Variants in HDAC9 observed in about 807,000 individuals in gnomAD.
The protein encoded by HDAC9 is histone deacetylase 9.
HDAC9 carries 41 observed loss-of-function variants against 139.4 expected under a neutral mutation model. That is an observed-to-expected ratio of 0.29 (90% confidence interval 0.23 to 0.38). The LOEUF is 0.38. Among genes scored for constraint, HDAC9 ranks in the 10% least tolerant of loss-of-function variants. HDAC9 has a pLI of 1.00. For missense variants in HDAC9, 1,147 were observed against 1,297.0 expected (o/e 0.88, Z 1.78); for synonymous variants, 517 against 476.2 (o/e 1.09, Z -1.12).
chr7:18,775,047 G>T (rs543256389), intron 16 of HDAC9, among the ~76,000 whole-genome samples: 1 of 152,042 alleles, frequency 6.6e-6, no homozygotes, highest in South Asian at 2.1e-4. Flanking sequence ...TAGGGAATAG[G>T]GAGGCCTGAG....
At chr7:18,844,654 G>A (rs960385895) in intron 21 of HDAC9, among the ~76,000 whole-genome samples, 2 of 152,112 alleles carry the variant, frequency 1.3e-5, no homozygotes, top group Non-Finnish European at 2.9e-5. Context: ...AAACAAAAGA[G>A]CATTTTTACT....
At chr7:18,456,623 A>G (rs1479633991) in intron 1 of HDAC9, among the ~76,000 whole-genome samples, 1 of 152,182 alleles carries the variant, frequency 6.6e-6, no homozygotes, top group Non-Finnish European at 1.5e-5. Flanking sequence ...GATATTAGAA[A>G]ATAAGATTAT....
At chr7:18,796,704 T>G (rs146688014) in intron 17 of HDAC9, among the ~76,000 whole-genome samples, 10 of 152,194 alleles carry the variant, frequency 6.6e-5, no homozygotes, top group Non-Finnish European at 1.5e-4. Flanking sequence ...AAATCATAAT[T>G]GGAAGAATAA....
At chr7:18,101,396 T>C (rs1486181881) in intron 1 of HDAC9, among the ~76,000 whole-genome samples, 3 of 152,198 alleles carry the variant, frequency 2.0e-5, no homozygotes. Flanking sequence ...ATTATTGCAT[T>C]GTGTCCAGTG....
chr7:18,241,188 T>C (rs1046117967), intron 2 of HDAC9, among the ~76,000 whole-genome samples: 1 of 152,212 alleles, frequency 6.6e-6, no homozygotes, highest in Non-Finnish European at 1.5e-5. Context: ...GTTTATCAAC[T>C]ATGTGTCTGT....
chr7:18,762,758 T>C (rs1017856946), intron 15 of HDAC9, among the ~76,000 whole-genome samples: 5 of 152,220 alleles, frequency 3.3e-5, no homozygotes, highest in African/African-American at 9.6e-5. Flanking sequence ...TATAGCAAGA[T>C]TGCAAATCTA....
intron 1 of HDAC9, among the ~76,000 whole-genome samples, chr7:18,095,035 A>G (rs1488321704): frequency 1.3e-5 from 2 of 152,098 alleles, no homozygotes; most frequent in African/African-American, 4.8e-5. Context: ...CCATAAATTG[A>G]GTTTCTGCCT....
At chr7:18,615,048 A>T (rs1397043296) in intron 6 of HDAC9, among the ~76,000 whole-genome samples, 1 of 152,124 alleles carries the variant, frequency 6.6e-6, no homozygotes, top group African/African-American at 2.4e-5. Context: ...AGGAAATAGC[A>T]TTTCAATGGT....
At position 18,183,134 on chromosome 7, in the gene HDAC9, C is replaced by A. The variant is rs187065755; in HGVS notation, c.25+20785C>A. ...ACGCCATTCTCCTGCCTCAGCTTCC[C>A]GAGTAGCTGGGACTACAGGTGCCTG... On this transcript the variant is annotated intron_variant, in intron 2 of 12. Coordinates refer to the HDAC9 transcript ENST00000417496. Among the ~76,000 whole-genome samples, 879 of 152,080 alleles carry A rather than the reference C, an allele frequency of 5.8e-3. 20 individuals carry two copies. The East Asian group carries it at 0.078, about 14-fold the overall frequency.
intron 2 of HDAC9, among the ~76,000 whole-genome samples, chr7:18,278,260 C>G (rs888822689): frequency 2.6e-5 from 4 of 152,168 alleles, no homozygotes; most frequent in Admixed American, 2.6e-4. Context: ...TAGAACACGT[C>G]AAGAGATTAG....
At chr7:18,593,694 C>T (rs542427153) in intron 5 of HDAC9, among the ~76,000 whole-genome samples, 10 of 152,158 alleles carry the variant, frequency 6.6e-5, no homozygotes, top group African/African-American at 2.2e-4. Context: ...GACTGTATGA[C>T]CAAACACATG....
chr7:18,463,769 A>G (rs1222559145), intron 1 of HDAC9, among the ~76,000 whole-genome samples: 2 of 151,778 alleles, frequency 1.3e-5, no homozygotes, highest in African/African-American at 4.8e-5. Flanking sequence ...AGTTTTTCCC[A>G]GTTTTATTAT....
chr7:18,741,402 A>T (rs1339683470), intron 13 of HDAC9, among the ~76,000 whole-genome samples: 2 of 152,156 alleles, frequency 1.3e-5, no homozygotes, highest in Non-Finnish European at 2.9e-5. Context: ...CTATAAATGG[A>T]ACCACAAAGC....
intron 1 of HDAC9, among the ~76,000 whole-genome samples, chr7:18,397,860 G>T (rs1787194632): frequency 6.6e-6 from 1 of 152,024 alleles, no homozygotes; most frequent in Non-Finnish European, 1.5e-5. Context: ...GCCAGAGAAG[G>T]GGCTGGCCTG....
chr7:18,153,836 A>G (rs1171537081), intron 1 of HDAC9, among the ~76,000 whole-genome samples: 7 of 152,140 alleles, frequency 4.6e-5, no homozygotes, highest in Admixed American at 3.3e-4. Flanking sequence ...CTTAAGACTC[A>G]TACTGGTTTC....
chr7:18,805,549 A>G (rs572630319), intron 17 of HDAC9, among the ~76,000 whole-genome samples: 216 of 152,306 alleles, frequency 1.4e-3, no homozygotes, highest in African/African-American at 4.9e-3. Context: ...GCAGAAGCCA[A>G]TTTTAATCAT....
chr7:18,479,966 T>G (rs1463504902), intron 1 of HDAC9, among the ~76,000 whole-genome samples: 2 of 151,588 alleles, frequency 1.3e-5, no homozygotes, highest in African/African-American at 4.8e-5. Flanking sequence ...CTCCTTTATT[T>G]TATAAATTCC....
At chr7:18,486,855 C>G (rs554871798) in intron 1 of HDAC9, among the ~76,000 whole-genome samples, 2 of 152,038 alleles carry the variant, frequency 1.3e-5, no homozygotes, top group South Asian at 4.2e-4. Context: ...AAATTGTGTG[C>G]CTGACATTTA....
intron 2 of HDAC9, among the ~76,000 whole-genome samples, chr7:18,259,734 A>G (rs777372049): frequency 1.2e-4 from 19 of 152,216 alleles, no homozygotes; most frequent in Non-Finnish European, 2.4e-4. Flanking sequence ...CAGGTTTTCA[A>G]TAAATATTGA....
Sources: allele counts gnomAD v4.1 joint callset (sites outside exome capture counted in the v4.1 genomes callset), GRCh38; gene constraint gnomAD v4.1.1; transcripts MANE v1.5; gene names NCBI Gene and HGNC (gene_info 2026-07-23, HGNC 2026-07-21).